CELF4: variants seen among roughly 807,000 people sequenced by gnomAD.
CELF4 encodes the protein CUG-BP- and ETR-3-like factor 4.
In CELF4, 18 loss-of-function variants were observed where a neutral mutation model predicts 59.9. The ratio of observed to expected loss-of-function variants is 0.30; its 90% CI spans 0.21 to 0.45. The LOEUF is 0.45. Ranked by LOEUF, CELF4 falls within the 20% of genes least tolerant of loss-of-function variation. The probability of loss-of-function intolerance (pLI) is 1.00; values close to 1 mark genes in which losing one functional copy is unlikely to be tolerated. For missense variants in CELF4, 456 were observed against 689.0 expected, an observed-to-expected ratio of 0.66 and a Z score of 3.79; for synonymous variants, 261 against 267.1, an observed-to-expected ratio of 0.98 and a Z score of 0.22.
chr18:37,281,343 T>C (rs979434215), intron 3 of CELF4, among the ~76,000 whole-genome samples: 17 of 152,242 alleles, frequency 1.1e-4, no homozygotes, highest in African/African-American at 4.1e-4. Context: ...TTTGATTCAC[T>C]CATTACCATC....
chr18:37,318,097 G>A (rs2096930406), intron 3 of CELF4, among the ~76,000 whole-genome samples: 1 of 152,184 alleles, frequency 6.6e-6, no homozygotes, highest in South Asian at 2.1e-4. Flanking sequence ...AGTGTGCCTG[G>A]AGGGCAGCTG....
At chr18:37,302,109 G>A (rs1193652975) in intron 3 of CELF4, among the ~76,000 whole-genome samples, 1 of 152,238 alleles carries the variant, frequency 6.6e-6, no homozygotes, top group Non-Finnish European at 1.5e-5. Flanking sequence ...ATGCTTATGG[G>A]AATTTGGGCC....
chr18:37,299,580 A>G (rs1172430669), intron 3 of CELF4, among the ~76,000 whole-genome samples: 1 of 152,148 alleles, frequency 6.6e-6, no homozygotes, highest in Non-Finnish European at 1.5e-5. Flanking sequence ...AGAGGCTGGC[A>G]CTGCGGGCTC....
chr18:37,297,685 C>T (rs1249794778), intron 3 of CELF4, among the ~76,000 whole-genome samples: 1 of 152,252 alleles, frequency 6.6e-6, no homozygotes, highest in Non-Finnish European at 1.5e-5. Context: ...CCCTCATGAC[C>T]CTTTCCAGGC....
At position 37,273,638 on chromosome 18, in the gene CELF4, G is replaced by A. The variant is rs911202167; in HGVS notation, c.802-475C>T. The stretch of plus-strand genomic sequence containing the variant: ...AGGCACCCCTAGTGTTGTCACAAAG[G>A]TGAGTGCGGACAGGGGAGGCTGCGG... On this transcript the variant is annotated intron_variant, in intron 6 of 12. Transcript: ENST00000420428. 33 of 988,840 alleles carry A rather than the reference G, an allele frequency of 3.3e-5. No homozygotes were observed. In the African/African-American group the frequency reaches 5.6e-4, roughly 17 times the overall value. 61.3% of individuals were successfully genotyped at this position (988,840 alleles called of 1,614,324 possible).
In CELF4 at chr18:37,266,567, C is replaced by T. The variant is rs148935360; in HGVS notation, c.1131G>A (p.Gln377=). The T allele has an allele frequency of 2.1e-5, 34 of 1,597,622 alleles. No individual in the cohort carries two copies. The highest frequency in any genetic ancestry group is 2.8e-5 in the Non-Finnish European group (33 of 1,173,620). The stretch of plus-strand genomic sequence containing the variant: ...ACTGCTGCACTCCGGCGTAGGCCTG[C>T]TGCAGGGGGTCCGCGGCGGTGGGGC... ...AQSPTAADPL[Q]QAYAGVQQYA... is the part of the protein sequence containing the mutation. Residue 377 remains glutamine, a synonymous_variant, in exon 9 of 13, where the codon CAG becomes CAA. Transcript: ENST00000420428.
intron 1 of CELF4, among the ~76,000 whole-genome samples, chr18:37,487,518 A>C (rs2099883660): frequency 6.6e-6 from 1 of 152,000 alleles, no homozygotes; most frequent in Admixed American, 6.6e-5. Flanking sequence ...CCTCCTGGTC[A>C]CTGGCAGACT....
intron 2 of CELF4, among the ~76,000 whole-genome samples, chr18:37,382,728 A>G (rs571810744): frequency 1.8e-4 from 27 of 152,322 alleles, no homozygotes; most frequent in South Asian, 1.0e-3. Flanking sequence ...TAATCCCTTC[A>G]TTGATTCAAC....
At chr18:37,289,552 C>G (rs997002896) in intron 3 of CELF4, among the ~76,000 whole-genome samples, 1 of 152,010 alleles carries the variant, frequency 6.6e-6, no homozygotes, top group African/African-American at 2.4e-5. Flanking sequence ...CTCGTCCCCC[C>G]ACCTCCCTTC....
In CELF4 at chr18:37,322,692, TA is replaced by T. The variant is rs1313635366; in HGVS notation, c.370-812del. 7.9e-5 allele frequency among the ~76,000 whole-genome samples: 12 copies of T among 152,312 alleles called. No individual in the cohort carries two copies. In the South Asian group the frequency reaches 2.5e-3, roughly 32 times the overall value. ...CACCGGGAGGCACCAGGGTGGGCTCTACAGCCCGGAGGTCTCAGAGTGGTTT... is the reference window on the plus strand; with the variant it reads ...CACCGGGAGGCACCAGGGTGGGCTCTCAGCCCGGAGGTCTCAGAGTGGTTT... On this transcript the variant is annotated intron_variant, in intron 2 of 12. Transcript: ENST00000420428.
At chr18:37,303,997 C>A (rs192199352) in intron 3 of CELF4, among the ~76,000 whole-genome samples, 5 of 152,338 alleles carry the variant, frequency 3.3e-5, no homozygotes, top group Admixed American at 3.3e-4. Context: ...AGGCCTGTAC[C>A]CACTACTGCC....
chr18:37,474,060 C>T (rs2099841882), intron 2 of CELF4: 1 of 152,184 alleles, frequency 6.6e-6, no homozygotes, highest in Non-Finnish European at 1.5e-5. Context: ...CCTCCGACAG[C>T]AGTGAGAAGG....
intron 1 of CELF4, among the ~76,000 whole-genome samples, chr18:37,520,029 TTGGGGGAGAC>T (rs1321363376): frequency 1.3e-5 from 2 of 152,172 alleles, no homozygotes; most frequent in African/African-American, 2.4e-5. Flanking sequence ...CACCCTCTCC[TTGGGGGAGAC>T]TGGGGCTTCC....
At chr18:37,494,490 C>T (rs1431158327) in intron 1 of CELF4, among the ~76,000 whole-genome samples, 1 of 152,224 alleles carries the variant, frequency 6.6e-6, no homozygotes, top group Admixed American at 6.5e-5. Flanking sequence ...CTTCTCTGGC[C>T]AGCAGCTCCT....
chr18:37,323,178 G>A (rs556193134), intron 2 of CELF4, among the ~76,000 whole-genome samples: 3 of 152,186 alleles, frequency 2.0e-5, no homozygotes, highest in South Asian at 2.1e-4. Context: ...GGGCAGAGCC[G>A]TGGCCGGGAA....
chr18:37,298,994 T>A (rs1479819993), intron 3 of CELF4, among the ~76,000 whole-genome samples: 1 of 152,222 alleles, frequency 6.6e-6, no homozygotes, highest in Non-Finnish European at 1.5e-5. Flanking sequence ...CTGTGCTTGC[T>A]AACCTTCTGT....
chr18:37,248,412 TA>T (rs1195195707), intron 12 of CELF4, among the ~76,000 whole-genome samples: 1 of 152,082 alleles, frequency 6.6e-6, no homozygotes, highest in Non-Finnish European at 1.5e-5. Context: ...CCCTGACCCA[TA>T]AAAGCGCCAC....
At chr18:37,315,369 C>T (rs916687452) in intron 3 of CELF4, among the ~76,000 whole-genome samples, 3 of 152,252 alleles carry the variant, frequency 2.0e-5, no homozygotes, top group Non-Finnish European at 4.4e-5. Context: ...CAAGTCCCCT[C>T]TTTCCCAGGA....
chr18:37,490,173 T>C (rs899922679), intron 1 of CELF4, among the ~76,000 whole-genome samples: 38 of 152,102 alleles, frequency 2.5e-4, no homozygotes, highest in Admixed American at 2.5e-3. Context: ...GTATATACAA[T>C]GGAGACACAA....
Sources: allele counts gnomAD v4.1 joint callset (sites outside exome capture counted in the v4.1 genomes callset), GRCh38; gene constraint gnomAD v4.1.1; transcripts MANE v1.5; gene names NCBI Gene and HGNC (gene_info 2026-07-23, HGNC 2026-07-21).